The following AGMO variants were observed in gnomAD, a reference collection of about 807,000 sequenced individuals.
AGMO encodes alkylglycerol monooxygenase.
AGMO carries 75 observed loss-of-function variants against 60.2 expected under a neutral mutation model. The ratio of observed to expected loss-of-function variants is 1.25; its 90% CI spans 1.03 to 1.51. The LOEUF is 1.51. Among genes scored for constraint, AGMO ranks in the 40% most tolerant of loss-of-function variants. AGMO has a pLI of 0.00. For missense variants in AGMO, 763 were observed against 525.5 expected, an observed-to-expected ratio of 1.45 and a Z score of -4.42; for synonymous variants, 261 against 177.1, an observed-to-expected ratio of 1.47 and a Z score of -3.76.
chr7:15,232,795 A>G (rs942421613), intron 12 of AGMO, among the ~76,000 whole-genome samples: 13 of 111,296 alleles, frequency 1.2e-4, no homozygotes, highest in African/African-American at 4.0e-4. Context: ...GAAACCACAC[A>G]CACACGCACA....
intron 3 of AGMO, among the ~76,000 whole-genome samples, chr7:15,468,384 A>G (rs1782347913): frequency 6.6e-6 from 1 of 152,172 alleles, no homozygotes; most frequent in Non-Finnish European, 1.5e-5. Flanking sequence ...AAACTCACTT[A>G]CATTTGAAAT....
rs546183355 is a variant in AGMO at position 15,390,627 on chromosome 7, T to C, written c.822+44A>G. On this transcript the variant is annotated intron_variant, in intron 8 of 12. Transcript: ENST00000342526. ...ATTTTTCTCTTAACTATAAGATTTA[T>C]GAAATGATATAAATGAAGAAAGAAT... is the stretch of plus-strand genomic sequence containing the variant. 9.3e-5 allele frequency: 131 copies of C among 1,405,530 alleles called. 1 individual carries two copies. In the South Asian group the frequency reaches 1.3e-3, roughly 14 times the overall value. The allele number at this position is 1,405,530 out of a possible 1,614,324, so 87.1% of individuals were successfully genotyped here. A position where few individuals can be genotyped will look rare whatever the true frequency, so the allele number is the denominator to read the frequency against.
At chr7:15,425,132 A>C (rs1781027041) in intron 4 of AGMO, among the ~76,000 whole-genome samples, 3 of 152,320 alleles carry the variant, frequency 2.0e-5, no homozygotes, top group South Asian at 4.1e-4. Flanking sequence ...ATGAGAAGGC[A>C]GAGTAAATAT....
intron 5 of AGMO, among the ~76,000 whole-genome samples, chr7:15,400,874 A>G (rs1165550591): frequency 6.6e-6 from 1 of 152,204 alleles, no homozygotes; most frequent in Non-Finnish European, 1.5e-5. Context: ...TCAGTTTCAA[A>G]TGAAAGTAGC....
At chr7:15,131,054 T>C in the AGMO span, among the ~76,000 whole-genome samples, 1 of 130,278 alleles carries the variant, frequency 7.7e-6, no homozygotes, top group Non-Finnish European at 1.7e-5. Context: ...CTTGTATTTC[T>C]GTGTGTGTGT....
chr7:15,561,118 A>C (rs763672203), intron 1 of AGMO, among the ~76,000 whole-genome samples: 2 of 152,166 alleles, frequency 1.3e-5, no homozygotes, highest in African/African-American at 2.4e-5. Flanking sequence ...TGTAGGAATA[A>C]CTTTGATAGG....
At position 15,530,699 on chromosome 7, in the gene AGMO, T is replaced by TATATTCTATATATACATTTCTATATAG. The variant is rs1554283342; in HGVS notation, c.409+14046_409+14072dup. 1.4e-3 allele frequency among the ~76,000 whole-genome samples: 165 copies of TATATTCTATATATACATTTCTATATAG among 115,960 alleles called. 35 individuals are homozygous for TATATTCTATATATACATTTCTATATAG. The highest frequency in any genetic ancestry group is 2.1e-3 in the Non-Finnish European group (107 of 51,548). The allele number at this position is 115,960 out of a possible 152,430, so 76.1% of individuals were successfully genotyped here. On this transcript the variant is annotated intron_variant, in intron 3 of 12. Coordinates refer to ENST00000342526, the MANE Select transcript of AGMO (RefSeq NM_001004320.2). ...TATATTCTATATATGTATTTCTACATATATTCTATATATACATTTCTATAT... is the reference window on the plus strand; with the variant it reads ...TATATTCTATATATGTATTTCTACATATATTCTATATATACATTTCTATATAGATATTCTATATATACATTTCTATAT...
chr7:15,340,528 G>A (rs1192317409), intron 12 of AGMO, among the ~76,000 whole-genome samples: 1 of 152,134 alleles, frequency 6.6e-6, no homozygotes, highest in Non-Finnish European at 1.5e-5. Flanking sequence ...CTCCTGCTGT[G>A]TGCAGCCTCA....
intron 3 of AGMO, among the ~76,000 whole-genome samples, chr7:15,533,753 T>G (rs1366215802): frequency 6.6e-6 from 1 of 152,188 alleles, no homozygotes; most frequent in Non-Finnish European, 1.5e-5. Context: ...TCTTGTTGAT[T>G]TAACTACCAC....
intron 12 of AGMO, among the ~76,000 whole-genome samples, chr7:15,228,476 G>A (rs996152864): frequency 7.9e-5 from 12 of 152,064 alleles, no homozygotes; most frequent in Non-Finnish European, 1.6e-4. Context: ...GAACAAAATG[G>A]GCTGGAGAAA....
At chr7:15,204,230 C>T (rs1781382513) in intron 12 of AGMO, among the ~76,000 whole-genome samples, 1 of 152,064 alleles carries the variant, frequency 6.6e-6, no homozygotes, top group Non-Finnish European at 1.5e-5. Context: ...AATTATTTAA[C>T]ATAGAGTCAA....
At chr7:15,437,531 C>CTTTTTTT (rs201021445) in intron 3 of AGMO, among the ~76,000 whole-genome samples, 2 of 120,604 alleles carry the variant, frequency 1.7e-5, no homozygotes, top group Non-Finnish European at 3.4e-5. Flanking sequence ...AAATTTTTTC[C>CTTTTTTT]TTTTTTTTTT....
intron 12 of AGMO, among the ~76,000 whole-genome samples, chr7:15,251,362 A>C (rs1052887816): frequency 6.6e-6 from 1 of 152,192 alleles, no homozygotes; most frequent in Non-Finnish European, 1.5e-5. Context: ...TGGGAAATTA[A>C]AACAAGATAA....
At chr7:15,507,817 A>C (rs1783559008) in intron 3 of AGMO, among the ~76,000 whole-genome samples, 1 of 152,118 alleles carries the variant, frequency 6.6e-6, no homozygotes. Context: ...TAGATATTAC[A>C]GTAAACTATT....
intron 12 of AGMO, among the ~76,000 whole-genome samples, chr7:15,248,202 A>ATATATG (rs1563053804): frequency 1.1e-5 from 1 of 93,072 alleles, no homozygotes; most frequent in Non-Finnish European, 2.2e-5. Flanking sequence ...ATATATATAT[A>ATATATG]TATATATATA....
At chr7:15,389,466 G>A (rs555432956) in intron 8 of AGMO, among the ~76,000 whole-genome samples, 13 of 152,216 alleles carry the variant, frequency 8.5e-5, no homozygotes, top group African/African-American at 2.6e-4. Flanking sequence ...CATATTCTTA[G>A]TAAGTTTAAT....
At chr7:15,452,106 CT>C (rs2128505860) in intron 3 of AGMO, among the ~76,000 whole-genome samples, 1 of 151,974 alleles carries the variant, frequency 6.6e-6, no homozygotes, top group Admixed American at 6.5e-5. Flanking sequence ...ATTTAGATCA[CT>C]TTAACAAGAG....
At chr7:15,442,925 C>A (rs1320149976) in intron 3 of AGMO, among the ~76,000 whole-genome samples, 2 of 152,158 alleles carry the variant, frequency 1.3e-5, no homozygotes, top group Non-Finnish European at 2.9e-5. Context: ...CAGATGCTAG[C>A]AGGCAGCAGG....
intron 3 of AGMO, among the ~76,000 whole-genome samples, chr7:15,505,998 A>T (rs1334119705): frequency 6.6e-6 from 1 of 152,088 alleles, no homozygotes; most frequent in Non-Finnish European, 1.5e-5. Flanking sequence ...GCAAATTTAG[A>T]AAAGAACCAG....
Sources: gnomAD v4.1 joint callset for allele counts (sites outside exome capture counted in the v4.1 genomes callset) on GRCh38, gnomAD v4.1.1 for gene constraint, MANE v1.5 for transcripts, NCBI Gene and HGNC (gene_info 2026-07-23, HGNC 2026-07-21) for gene names.